WDR88: variants seen among roughly 807,000 people sequenced by gnomAD.
WDR88 encodes the protein WD repeat domain 88, also known as WD repeat-containing protein 88.
WDR88 carries 40 observed loss-of-function variants against 46.8 expected under a neutral mutation model. That is an observed-to-expected ratio of 0.86 (90% CI 0.66 to 1.11). The LOEUF (loss-of-function observed/expected upper bound fraction) is 1.11. Among genes scored for constraint, WDR88 ranks in the 50% most tolerant of loss-of-function variants. The pLI is 0.00. For synonymous variants in WDR88, 235 were observed against 240.7 expected (o/e 0.98, Z 0.22); for missense variants, 562 against 602.4 (o/e 0.93, Z 0.70).
intron 10 of WDR88, chr19:33,174,098 C>T (rs986466288): frequency 1.5e-5 from 22 of 1,451,290 alleles, no homozygotes; most frequent in Admixed American, 1.0e-4. Context: ...GTGATCCGCC[C>T]GCCTCAGCCT....
chr19:33,153,227 TTG>T (rs1405367659), intron 6 of WDR88, among the ~76,000 whole-genome samples: 1 of 111,286 alleles, frequency 9.0e-6, no homozygotes, highest in African/African-American at 5.9e-5. Context: ...ATTTTTAAGT[TTG>T]TTTTTTTTTT....
chr19:33,133,198 T>TAAATATATAGAG (rs1555723214), intron 1 of WDR88, among the ~76,000 whole-genome samples: 6 of 79,722 alleles, frequency 7.5e-5, no homozygotes, highest in African/African-American at 2.0e-4. Context: ...TAAATAAATA[T>TAAATATATAGAG]AGAGAGAGAG....
At chr19:33,132,590 G>A (rs1282521293) in intron 1 of WDR88, 145 bp downstream of exon 1, 6 of 1,307,182 alleles carry the variant, frequency 4.6e-6, no homozygotes, top group African/African-American at 3.0e-5. Flanking sequence ...CCCATCTGTG[G>A]TACATCTGTG....
intron 9 of WDR88, among the ~76,000 whole-genome samples, chr19:33,170,587 A>G (rs1040115756): frequency 8.6e-5 from 13 of 151,506 alleles, no homozygotes; most frequent in African/African-American, 3.1e-4. Context: ...TTGGCTGGGC[A>G]CGGTGGCTCA....
intron 2 of WDR88, among the ~76,000 whole-genome samples, chr19:33,141,744 G>A (rs534120598): frequency 1.5e-4 from 23 of 152,112 alleles, no homozygotes; most frequent in Admixed American, 1.5e-3. Flanking sequence ...GCAGTGGCGT[G>A]GTCTCGGCTC....
chr19:33,174,957 G>T, intron 10 of WDR88: 1 of 985,368 alleles, frequency 1.0e-6, no homozygotes, highest in South Asian at 4.7e-5. Flanking sequence ...GAGAGGGGCT[G>T]CGCCCAGTGG....
chr19:33,156,372 T>C lies in WDR88; in HGVS notation c.827T>C (p.Ile276Thr). Reference sequence around the variant, plus strand: ...TGTTTCAGGGCACATTCCAATGCAATCTCAAACTGCTGTTTTACCTTCAGT... The same window carrying C: ...TGTTTCAGGGCACATTCCAATGCAACCTCAAACTGCTGTTTTACCTTCAGT... ...LTITKAHSNA[I>T]SNCCFTFSGH... Residue 276 changes from isoleucine to threonine, a missense_variant, in exon 7 of 11, where the codon ATC becomes ACC. Coordinates refer to ENST00000355868, the MANE Select transcript of WDR88 (RefSeq NM_173479.4). The C allele has an allele frequency of 6.2e-7, 1 of 1,614,118 alleles. No individual in the cohort carries two copies. The highest frequency in any genetic ancestry group is 1.1e-5 in the South Asian group (1 of 91,082).
intron 9 of WDR88, among the ~76,000 whole-genome samples, chr19:33,169,714 G>A (rs963143482): frequency 2.0e-5 from 3 of 149,658 alleles, no homozygotes; most frequent in African/African-American, 4.9e-5. Context: ...GCAACAACAG[G>A]TTTTTTGATT....
At chr19:33,164,411 T>G (rs1568370308) in intron 9 of WDR88, 146 bp downstream of exon 9, 1 of 716,954 alleles carries the variant, frequency 1.4e-6, no homozygotes, top group South Asian at 1.6e-5. Context: ...CCTGGGAATG[T>G]GGACAGCATG....
intron 9 of WDR88, among the ~76,000 whole-genome samples, chr19:33,171,137 C>G: frequency 6.6e-6 from 1 of 152,096 alleles, no homozygotes; most frequent in Non-Finnish European, 1.5e-5. Flanking sequence ...AGGCATGCAG[C>G]ACCAGGCCTG....
At chr19:33,147,539 G>T in intron 3 of WDR88, 106 bp from the exon 4 acceptor site, 1 of 1,049,830 alleles carries the variant, frequency 9.5e-7, no homozygotes, top group South Asian at 1.5e-5. Context: ...GGAGGTGGAG[G>T]TTGCAGTGAG....
At chr19:33,132,500 A>C in intron 1 of WDR88, 55 bp downstream of exon 1, 1 of 1,591,662 alleles carries the variant, frequency 6.3e-7, no homozygotes, top group Non-Finnish European at 8.6e-7. Flanking sequence ...CACGGGAGGA[A>C]GGCGCTCGAG....
chr19:33,153,135 C>T (rs995137769), intron 6 of WDR88, among the ~76,000 whole-genome samples: 1 of 151,912 alleles, frequency 6.6e-6, no homozygotes, highest in Non-Finnish European at 1.5e-5. Context: ...ACTGGAGCCT[C>T]GGATTCCTAG....
chr19:33,171,972 C>T (rs577955850), intron 9 of WDR88, among the ~76,000 whole-genome samples: 1 of 152,090 alleles, frequency 6.6e-6, no homozygotes. Flanking sequence ...GGGGTTTCAC[C>T]ATATTGGTCA....
chr19:33,146,494 TCC>T (rs150649464), intron 3 of WDR88, among the ~76,000 whole-genome samples: 1 of 83,682 alleles, frequency 1.2e-5, no homozygotes, highest in Admixed American at 1.8e-4. Context: ...CTTCCTTCCT[TCC>T]CCTTCCTTCC....
chr19:33,160,803 A>G (rs1305277218), intron 8 of WDR88, among the ~76,000 whole-genome samples: 2 of 152,172 alleles, frequency 1.3e-5, no homozygotes, highest in Non-Finnish European at 2.9e-5. Context: ...GGGATCTTGA[A>G]GAAGAAGGGC....
intron 3 of WDR88, among the ~76,000 whole-genome samples, chr19:33,145,272 G>C (rs1973488276): frequency 6.6e-6 from 1 of 151,684 alleles, no homozygotes; most frequent in African/African-American, 2.4e-5. Flanking sequence ...TCTTGCCTCA[G>C]CCTCCTGAGT....
intron 8 of WDR88, among the ~76,000 whole-genome samples, chr19:33,162,721 A>G (rs1181966663): frequency 1.3e-5 from 2 of 152,128 alleles, no homozygotes; most frequent in Non-Finnish European, 2.9e-5. Flanking sequence ...ACACCCGAGT[A>G]CTATTTTAAA....
intron 3 of WDR88, among the ~76,000 whole-genome samples, chr19:33,145,935 A>G (rs563757259): frequency 6.6e-6 from 1 of 152,322 alleles, no homozygotes; most frequent in Admixed American, 6.5e-5. Context: ...ACATTTCAGA[A>G]CAAAATAAGT....
Sources: gnomAD v4.1 joint callset for allele counts (sites outside exome capture counted in the v4.1 genomes callset) on GRCh38, gnomAD v4.1.1 for gene constraint, MANE v1.5 for transcripts, NCBI Gene and HGNC (gene_info 2026-07-23, HGNC 2026-07-21) for gene names.